Variants in VGLL3 observed in about 807,000 individuals in gnomAD.
VGLL3 encodes the protein transcription cofactor vestigial-like protein 3.
Under a neutral mutation model 29.2 loss-of-function variants are expected in VGLL3, and 18 were observed. The ratio of observed to expected loss-of-function variants is 0.62; its 90% CI spans 0.43 to 0.91. The LOEUF is 0.91. Among genes scored for constraint, VGLL3 ranks in the 40% least tolerant of loss-of-function variants. VGLL3 has a pLI of 0.00. For missense variants in VGLL3, 440 were observed against 413.2 expected, an observed-to-expected ratio of 1.06 and a Z score of -0.56; for synonymous variants, 180 against 151.8, an observed-to-expected ratio of 1.19 and a Z score of -1.36.
intron 3 of VGLL3, among the ~76,000 whole-genome samples, chr3:86,966,663 A>C (rs1387407366): frequency 6.6e-6 from 1 of 150,734 alleles, no homozygotes; most frequent in Admixed American, 6.6e-5. Flanking sequence ...ACACATAACA[A>C]TGTAATTTAA....
chr3:86,942,797 TA>T lies in VGLL3; in HGVS notation c.*4226del, dbSNP rs1484466827. On this transcript the variant is annotated 3_prime_UTR_variant, in exon 4 of 4. Transcript: ENST00000398399. ...TCCTATACCAGGTAGAAGGAACAGTTAGTAGGAGAAAAAGATTCTCTTTGCA... is the reference window on the plus strand; with the variant it reads ...TCCTATACCAGGTAGAAGGAACAGTTGTAGGAGAAAAAGATTCTCTTTGCA... The T allele has an allele frequency of 2.6e-5, 4 of 152,118 alleles. No individual in the cohort carries two copies. Among genetic ancestry groups the T allele is most frequent in the Admixed American group, 6.6e-5 (1 of 15,256 alleles). The allele number at this position is 152,118 out of a possible 1,614,324, so 9.4% of individuals were successfully genotyped here.
At chr3:86,960,342 C>G (rs1024901446) in intron 3 of VGLL3, among the ~76,000 whole-genome samples, 10 of 152,090 alleles carry the variant, frequency 6.6e-5, no homozygotes, top group African/African-American at 2.4e-4. Context: ...ATGATATCAT[C>G]AGGCACAAGC....
chr3:86,976,444 G>T (rs1450442883), intron 2 of VGLL3, among the ~76,000 whole-genome samples: 1 of 152,182 alleles, frequency 6.6e-6, no homozygotes, highest in Non-Finnish European at 1.5e-5. Flanking sequence ...GCTGTCTCAG[G>T]ACTTAGCACA....
At chr3:86,947,906 A>G (rs1291317564) in intron 3 of VGLL3, among the ~76,000 whole-genome samples, 3 of 152,056 alleles carry the variant, frequency 2.0e-5, no homozygotes, top group Non-Finnish European at 4.4e-5. Context: ...TGGGCAATTC[A>G]CATAGCACCT....
At chr3:86,990,533 C>A (rs904908690) in intron 1 of VGLL3, 85 bp downstream of exon 1, 2 of 1,300,844 alleles carry the variant, frequency 1.5e-6, no homozygotes, top group Non-Finnish European at 2.0e-6. Flanking sequence ...GCCACGCGTG[C>A]CGGCGGGACG....
intron 1 of VGLL3, among the ~76,000 whole-genome samples, chr3:86,980,880 G>A (rs937106802): frequency 2.6e-5 from 4 of 151,774 alleles, no homozygotes; most frequent in Non-Finnish European, 5.9e-5. Context: ...CTACATGGTG[G>A]CATCATTGTC....
At chr3:86,957,736 G>A (rs1575863475) in intron 3 of VGLL3, among the ~76,000 whole-genome samples, 1 of 152,112 alleles carries the variant, frequency 6.6e-6, no homozygotes, top group South Asian at 2.1e-4. Context: ...GGATTTTTAT[G>A]AGCCCCTAAG....
chr3:86,969,206 G>T (rs971005992), intron 2 of VGLL3, 83 bp from the exon 3 acceptor site: 18 of 1,435,884 alleles, frequency 1.3e-5, no homozygotes, highest in Non-Finnish European at 1.6e-5. Context: ...CACTCTAATT[G>T]TCCAATAATA....
At chr3:86,961,426 G>T (rs773955718) in intron 3 of VGLL3, among the ~76,000 whole-genome samples, 1 of 152,102 alleles carries the variant, frequency 6.6e-6, no homozygotes, top group Non-Finnish European at 1.5e-5. Context: ...AAGTAAGAAT[G>T]ACAACATTTC....
At chr3:86,959,249 T>C (rs1488934517) in intron 3 of VGLL3, among the ~76,000 whole-genome samples, 1 of 152,184 alleles carries the variant, frequency 6.6e-6, no homozygotes, top group Non-Finnish European at 1.5e-5. Context: ...CCTGCCTACA[T>C]ACTGAGATCA....
At chr3:86,955,291 A>G (rs1704695690) in intron 3 of VGLL3, among the ~76,000 whole-genome samples, 2 of 151,888 alleles carry the variant, frequency 1.3e-5, no homozygotes, top group African/African-American at 2.4e-5. Context: ...TGCAAGATAT[A>G]TTGGAAAGCA....
intron 3 of VGLL3, among the ~76,000 whole-genome samples, chr3:86,960,694 C>T (rs1298131229): frequency 6.6e-6 from 1 of 151,974 alleles, no homozygotes; most frequent in Non-Finnish European, 1.5e-5. Flanking sequence ...TCACTTGTAT[C>T]TAAAGGTATC....
chr3:86,963,388 T>C (rs1292044767), intron 3 of VGLL3, among the ~76,000 whole-genome samples: 1 of 151,756 alleles, frequency 6.6e-6, no homozygotes, highest in Non-Finnish European at 1.5e-5. Context: ...AATAAGAAAA[T>C]CCACAGAAGT....
intron 3 of VGLL3, among the ~76,000 whole-genome samples, chr3:86,956,284 G>A (rs1704721134): frequency 6.6e-6 from 1 of 152,190 alleles, no homozygotes; most frequent in Non-Finnish European, 1.5e-5. Flanking sequence ...GCTTTCCAAT[G>A]CTTTGTGTCG....
rs370686008 is a variant in VGLL3, at chr3:86,989,528, C to T, written c.126+1090G>A. Among the ~76,000 whole-genome samples the T allele has an allele frequency of 3.9e-4, 60 of 152,194 alleles. 1 individual carries two copies. The East Asian group carries it at 4.2e-3, about 11-fold the overall frequency. ...CAAAGAGACAGAAGTAGAGGAAATA[C>T]AGAAAGTAAAATGTCAGATTAATTA... On this transcript the variant is annotated intron_variant, in intron 1 of 3. Transcript: ENST00000398399.
At position 86,946,942 on chromosome 3, in the gene VGLL3, C is replaced by T; in HGVS notation, c.*82G>A. 1 of 764,904 alleles carries T rather than the reference C, an allele frequency of 1.3e-6. No homozygotes were observed. The allele number at this position is 764,904 out of a possible 1,614,324, so 47.4% of individuals were successfully genotyped here. A position where few individuals can be genotyped will look rare whatever the true frequency, so the allele number is the denominator to read the frequency against. On this transcript the variant is annotated 3_prime_UTR_variant, in exon 4 of 4. Coordinates refer to ENST00000398399, the MANE Select transcript of VGLL3 (RefSeq NM_016206.4). ...CTTCTATGCCTTTCGTGTCCTATTG[C>T]TGAATGGAAAAACCCGACAGTATCT...
At chr3:86,970,250 G>A (rs1559728681) in intron 2 of VGLL3, among the ~76,000 whole-genome samples, 1 of 152,114 alleles carries the variant, frequency 6.6e-6, no homozygotes, top group East Asian at 1.9e-4. Flanking sequence ...TAGGCGTCAG[G>A]GATGACCAAA....
In VGLL3 at chr3:86,941,539, C is replaced by T. The variant is rs1165840755; in HGVS notation, c.*5485G>A. The T allele has an allele frequency of 2.6e-5, 4 of 151,458 alleles. No homozygotes were observed. The highest frequency in any genetic ancestry group is 9.7e-5 in the African/African-American group (4 of 41,272). The allele number at this position is 151,458 out of a possible 1,614,324, so 9.4% of individuals were successfully genotyped here. A position where few individuals can be genotyped will look rare whatever the true frequency, so the allele number is the denominator to read the frequency against. On this transcript the variant is annotated 3_prime_UTR_variant, in exon 4 of 4. Transcript: ENST00000398399. ...ATACAATGGAATTGGTAAAAGTACACTTATTTATAATAGAATTTCTTGGAA... is the reference window on the plus strand; with the variant it reads ...ATACAATGGAATTGGTAAAAGTACATTTATTTATAATAGAATTTCTTGGAA...
chr3:86,966,771 GTGTATATATATATATATATATATA>G (rs1335420558), intron 3 of VGLL3, among the ~76,000 whole-genome samples: 72 of 69,540 alleles, frequency 1.0e-3, no homozygotes, highest in East Asian at 1.9e-3. Context: ...TAGTGTGTGT[GTGTATATATATATATATATATATA>G]TATATATATA....
Sources: allele counts gnomAD v4.1 joint callset (sites outside exome capture counted in the v4.1 genomes callset), GRCh38; gene constraint gnomAD v4.1.1; transcripts MANE v1.5; gene names NCBI Gene and HGNC (gene_info 2026-07-23, HGNC 2026-07-21).